The following SCN9A variants were observed in gnomAD, a reference collection of about 807,000 sequenced individuals.
SCN9A encodes the protein sodium voltage-gated channel alpha subunit 9.
A neutral mutation model predicts 187.0 loss-of-function variants in SCN9A; 131 were observed. The observed-to-expected ratio is 0.70, with a 90% CI of 0.61 to 0.81. SCN9A has a LOEUF of 0.81. SCN9A is among the 30% of genes least tolerant of loss of function. SCN9A has a pLI of 0.00. For synonymous variants in SCN9A, 809 were observed against 808.6 expected (o/e 1.00, Z -0.01); for missense variants, 2,252 against 2,396.6 (o/e 0.94, Z 1.26).
Position 166,286,590 on chromosome 2 carries a change from T to C in SCN9A, c.1348A>G (p.Ile450Val), listed in dbSNP as rs200823610. 96 of 1,582,458 alleles carry C rather than the reference T, an allele frequency of 6.1e-5. No individual in the cohort carries two copies. Among genetic ancestry groups the C allele is most frequent in the Non-Finnish European group, 7.8e-5 (91 of 1,168,398 alleles). The change falls in exon 11 of 27, where the codon ATT becomes GTT. Residue 450 changes from isoleucine (I) to valine (V), a missense_variant. By Grantham distance (29) the Ile-to-Val change is conservative. Coordinates refer to ENST00000642356, the MANE Select transcript of SCN9A (RefSeq NM_001365536.1). ...AGGCCCATAATTCTGCTTCTCCTAA[T>C]ACTTGTATATTCAGCCGCTGCCGCT... is the stretch of plus-strand genomic sequence containing the variant. ...IAAAAAEYTS[I>V]RRSRIMGLSE...
intron 1 of SCN9A, among the ~76,000 whole-genome samples, chr2:166,319,186 T>C (rs568552353): frequency 5.3e-5 from 8 of 152,224 alleles, no homozygotes; most frequent in African/African-American, 1.9e-4. Flanking sequence ...ACACAATCAA[T>C]GCTTTCAGTG....
chr2:166,273,064 A>G (rs963370423), intron 16 of SCN9A, among the ~76,000 whole-genome samples, 189 bp from the exon 17 acceptor site: 1 of 152,130 alleles, frequency 6.6e-6, no homozygotes, highest in Non-Finnish European at 1.5e-5. Context: ...TCATCACTGT[A>G]TCCCTAGACT....
intron 14 of SCN9A, among the ~76,000 whole-genome samples, 192 bp from the exon 15 acceptor site, chr2:166,278,505 A>G (rs990259870): frequency 2.0e-5 from 3 of 152,160 alleles, no homozygotes. Flanking sequence ...ATCAGCATCA[A>G]AAGGTTGAAA....
intron 24 of SCN9A, among the ~76,000 whole-genome samples, chr2:166,220,911 G>T (rs1404036465): frequency 6.6e-6 from 1 of 152,018 alleles, no homozygotes; most frequent in African/African-American, 2.4e-5. Flanking sequence ...GTACCCTAAA[G>T]ACTCCACACA....
chr2:166,231,808 T>A (rs1695099332), intron 21 of SCN9A, among the ~76,000 whole-genome samples: 1 of 152,040 alleles, frequency 6.6e-6, no homozygotes, highest in African/African-American at 2.4e-5. Flanking sequence ...GTCTTTTTAA[T>A]AAGTTTGTAG....
intron 16 of SCN9A, among the ~76,000 whole-genome samples, chr2:166,275,869 T>G (rs1195245576): frequency 1.3e-5 from 2 of 152,186 alleles, no homozygotes; most frequent in East Asian, 3.9e-4. Flanking sequence ...ACTGGATGAA[T>G]GTAAGTTTCT....
At chr2:166,306,106 A>G (rs1278817761) in intron 4 of SCN9A, among the ~76,000 whole-genome samples, 186 bp from the exon 5 acceptor site, 4 of 152,102 alleles carry the variant, frequency 2.6e-5, no homozygotes, top group Admixed American at 2.6e-4. Flanking sequence ...TCAATATCAG[A>G]AACACTCCCA....
intron 1 of SCN9A, among the ~76,000 whole-genome samples, chr2:166,315,705 T>C (rs948814220): frequency 1.3e-5 from 2 of 152,126 alleles, no homozygotes; most frequent in Admixed American, 6.6e-5. Context: ...ACCAGGCCAG[T>C]GGGGTGGCAA....
rs1042884750 is a variant in SCN9A, at chr2:166,247,984, C to T, written c.3472+3781G>A. On this transcript the variant is annotated intron_variant, in intron 18 of 26. Transcript: ENST00000642356. ...AATAGACACAGAGCTAAGGAACAAC[C>T]TTGCATAAGAGGGAGAGAAAAGGTG... Among the ~76,000 whole-genome samples, 3 of 152,036 alleles carry T rather than the reference C, an allele frequency of 2.0e-5. 1 individual carries two copies. The East Asian group carries it at 5.8e-4, about 30-fold the overall frequency.
intron 1 of SCN9A, among the ~76,000 whole-genome samples, chr2:166,341,169 T>C (rs924195685): frequency 1.3e-5 from 2 of 152,164 alleles, no homozygotes; most frequent in African/African-American, 4.8e-5. Context: ...ATGTATGTAA[T>C]AGAGTGACAT....
chr2:166,349,971 T>C (rs1314562408), intron 1 of SCN9A, among the ~76,000 whole-genome samples: 3 of 143,860 alleles, frequency 2.1e-5, no homozygotes, highest in South Asian at 4.4e-4. Context: ...AAACTCCCTC[T>C]CACAAAAAAA....
chr2:166,344,149 C>CA (rs1224707570), intron 1 of SCN9A, among the ~76,000 whole-genome samples: 1 of 151,666 alleles, frequency 6.6e-6, no homozygotes, highest in Non-Finnish European at 1.5e-5. Context: ...CTAGCACAGA[C>CA]AAAAAGAAAA....
intron 2 of SCN9A, among the ~76,000 whole-genome samples, chr2:166,308,133 C>T (rs578242489): frequency 1.3e-5 from 2 of 152,146 alleles, no homozygotes; most frequent in Non-Finnish European, 2.9e-5. Flanking sequence ...TATCTAAATA[C>T]AATTTAATGT....
At chr2:166,295,815 A>C (rs1011029731) in intron 7 of SCN9A, among the ~76,000 whole-genome samples, 1 of 152,178 alleles carries the variant, frequency 6.6e-6, no homozygotes, top group African/African-American at 2.4e-5. Context: ...CAGATTTTCC[A>C]TGTTTCACCT....
At chr2:166,300,003 T>C (rs913223221) in intron 7 of SCN9A, among the ~76,000 whole-genome samples, 1 of 150,640 alleles carries the variant, frequency 6.6e-6, no homozygotes, top group Middle Eastern at 3.2e-3. Flanking sequence ...CTTTTTTCTC[T>C]TCATTTCTCT....
chr2:166,237,420 AT>A (rs916754641), intron 20 of SCN9A, among the ~76,000 whole-genome samples: 15 of 152,228 alleles, frequency 9.9e-5, no homozygotes, highest in African/African-American at 3.1e-4. Flanking sequence ...CTTTGAATTT[AT>A]TATCTAAAAT....
Position 166,222,429 on chromosome 2 carries a change from A to G in SCN9A, c.4398+4138T>C, listed in dbSNP as rs1245946582. ...TGGATCATGAGGTCAGGAGATCAAGACCATCCTGGCCAAAATGGTGAAACT... is the reference window on the plus strand; with the variant it reads ...TGGATCATGAGGTCAGGAGATCAAGGCCATCCTGGCCAAAATGGTGAAACT... On this transcript the variant is annotated intron_variant, in intron 24 of 26. Transcript: ENST00000642356. Among the ~76,000 whole-genome samples the G allele has an allele frequency of 2.6e-5, 4 of 152,092 alleles. No individual in the cohort carries two copies. In the East Asian group the frequency reaches 7.7e-4, roughly 29 times the overall value.
intron 1 of SCN9A, among the ~76,000 whole-genome samples, chr2:166,348,622 A>G (rs1340985183): frequency 6.6e-6 from 1 of 152,130 alleles, no homozygotes; most frequent in Admixed American, 6.5e-5. Context: ...TCTTCTGTTA[A>G]AAAATCATCA....
At chr2:166,302,056 G>A (rs1698576656) in intron 7 of SCN9A, 1 of 150,932 alleles carries the variant, frequency 6.6e-6, no homozygotes, top group Non-Finnish European at 1.5e-5. Flanking sequence ...AGAAAATGAT[G>A]TATATTACTT....
Sources: allele counts gnomAD v4.1 joint callset (sites outside exome capture counted in the v4.1 genomes callset), GRCh38; gene constraint gnomAD v4.1.1; transcripts MANE v1.5; gene names NCBI Gene and HGNC (gene_info 2026-07-23, HGNC 2026-07-21).